The following PRKCH variants were observed in gnomAD, a reference collection of about 807,000 sequenced individuals.
PRKCH encodes the protein protein kinase C eta.
Under a neutral mutation model 82.5 loss-of-function variants are expected in PRKCH, and 28 were observed. The ratio of observed to expected loss-of-function variants is 0.34; its 90% CI spans 0.25 to 0.47. The LOEUF (loss-of-function observed/expected upper bound fraction) is 0.47. PRKCH is among the 20% of genes least tolerant of loss of function. The pLI, the probability that PRKCH is intolerant of heterozygous loss-of-function variation, is 1.00. For missense variants in PRKCH, 705 were observed against 881.8 expected (o/e 0.80, Z 2.54); for synonymous variants, 322 against 327.4 (o/e 0.98, Z 0.18).
intron 2 of PRKCH, among the ~76,000 whole-genome samples, chr14:61,440,173 C>G (rs1883887799): frequency 6.6e-6 from 1 of 152,156 alleles, no homozygotes; most frequent in South Asian, 2.1e-4. Context: ...CATCTGCAAG[C>G]AAAGGAATGT....
intron 2 of PRKCH, among the ~76,000 whole-genome samples, chr14:61,419,611 C>G (rs992383045): frequency 2.0e-5 from 3 of 152,206 alleles, no homozygotes; most frequent in Non-Finnish European, 2.9e-5. Context: ...TAAGCTCCTC[C>G]TTTAGAACTC....
intron 1 of PRKCH, among the ~76,000 whole-genome samples, chr14:61,241,789 T>G (rs957630990): frequency 1.4e-4 from 22 of 152,208 alleles, no homozygotes; most frequent in African/African-American, 5.3e-4. Context: ...GAACCGCATC[T>G]CCTCATGTAT....
At chr14:61,454,539 C>T (rs1311544144) in intron 7 of PRKCH, among the ~76,000 whole-genome samples, 1 of 152,228 alleles carries the variant, frequency 6.6e-6, no homozygotes, top group Non-Finnish European at 1.5e-5. Context: ...GCGTCCTCAC[C>T]TCTAAAGCGG....
intron 1 of PRKCH, among the ~76,000 whole-genome samples, chr14:61,255,178 G>T (rs2044986983): frequency 6.6e-6 from 1 of 152,210 alleles, no homozygotes; most frequent in Non-Finnish European, 1.5e-5. Context: ...CCTCTTAGCA[G>T]GATTGAGGGA....
At chr14:61,376,108 A>C (rs893094427) in intron 1 of PRKCH, among the ~76,000 whole-genome samples, 11 of 151,982 alleles carry the variant, frequency 7.2e-5, no homozygotes, top group Non-Finnish European at 1.3e-4. Context: ...GGATTTTAAT[A>C]ATCCAAACCT....
At chr14:61,466,598 A>C (rs1027987689) in intron 9 of PRKCH, among the ~76,000 whole-genome samples, 2 of 152,220 alleles carry the variant, frequency 1.3e-5, no homozygotes, top group Admixed American at 1.3e-4. Context: ...TTATGGAAGC[A>C]AAGGTTTCCA....
At position 61,321,802 on chromosome 14, in the gene PRKCH, C is replaced by A. The variant is rs1214380783; in HGVS notation, c.-300C>A. ...GAGCTGCCCGGCCCTGGAGAAGGGG[C>A]GAGTCCTGCGCGAGTCCCCGGGAGG... On this transcript the variant is annotated 5_prime_UTR_variant, in exon 1 of 14. Coordinates refer to ENST00000332981, the MANE Select transcript of PRKCH (RefSeq NM_006255.5). The surrounding 1 kb of genome is among the most constrained non-coding windows in gnomAD (Gnocchi z 4.1). 1 of 293,234 alleles carries A rather than the reference C, an allele frequency of 3.4e-6. No homozygotes were observed. The highest frequency in any genetic ancestry group is 6.5e-6 in the Non-Finnish European group (1 of 154,018). 18.2% of individuals were successfully genotyped at this position (293,234 alleles called of 1,614,324 possible). A position where few individuals can be genotyped will look rare whatever the true frequency, so the allele number is the denominator to read the frequency against.
chr14:61,402,372 G>T (rs1010733518), intron 2 of PRKCH, among the ~76,000 whole-genome samples: 1 of 152,174 alleles, frequency 6.6e-6, no homozygotes, highest in Non-Finnish European at 1.5e-5. Flanking sequence ...TATTAAAGAA[G>T]AATATCTGCA....
At chr14:61,206,880 A>T (rs780843696) in intron 1 of PRKCH, among the ~76,000 whole-genome samples, 7 of 151,888 alleles carry the variant, frequency 4.6e-5, no homozygotes, top group Non-Finnish European at 8.8e-5. Context: ...GCCAAGGCAG[A>T]TGGATCACCT....
chr14:61,473,910 C>T (rs910802427), intron 9 of PRKCH, among the ~76,000 whole-genome samples: 1 of 151,940 alleles, frequency 6.6e-6, no homozygotes, highest in African/African-American at 2.4e-5. Flanking sequence ...GGGAGAATCG[C>T]TTGCACCCGG....
intron 1 of PRKCH, among the ~76,000 whole-genome samples, chr14:61,293,765 A>G (rs2045383356): frequency 6.6e-6 from 1 of 152,200 alleles, no homozygotes. Context: ...CTCTGCTTGC[A>G]AACTGAAAAG....
intron 1 of PRKCH, among the ~76,000 whole-genome samples, chr14:61,207,106 CAAAAAAAAAAAAA>C (rs71114196): frequency 6.1e-5 from 3 of 49,158 alleles, no homozygotes; most frequent in African/African-American, 1.8e-4. Context: ...AACTCCATCT[CAAAAAAAAAAAAA>C]AAAAAAAAAA....
chr14:61,481,990 C>CTTTTTTTTTTTT (rs35134897), intron 9 of PRKCH, among the ~76,000 whole-genome samples: 2 of 101,076 alleles, frequency 2.0e-5, no homozygotes, highest in East Asian at 3.7e-4. Context: ...TTTCCTTTTC[C>CTTTTTTTTTTTT]TTTTTTTTTT....
At chr14:61,419,936 C>T (rs556321731) in intron 2 of PRKCH, among the ~76,000 whole-genome samples, 1 of 152,290 alleles carries the variant, frequency 6.6e-6, no homozygotes, top group Non-Finnish European at 1.5e-5. Flanking sequence ...CCTGTTTTGC[C>T]AGAGATGCCA....
chr14:61,210,198 C>G (rs2044563676), intron 1 of PRKCH, among the ~76,000 whole-genome samples: 1 of 143,502 alleles, frequency 7.0e-6, no homozygotes, highest in South Asian at 2.3e-4. Context: ...CCTGTAATCC[C>G]AGCTTTTCAG....
At position 61,280,473 on chromosome 14, in the gene PRKCH, G is replaced by C; in HGVS notation, c.-19+92805G>C. ...AGACTGGCCGGCGCCAGTTGGGCGGGGGCGCCGTGCCCTGGAAGGCCAACG... is the reference window on the plus strand; with the variant it reads ...AGACTGGCCGGCGCCAGTTGGGCGGCGGCGCCGTGCCCTGGAAGGCCAACG... On this transcript the variant is annotated intron_variant, in intron 1 of 3. Transcript: ENST00000555185. The surrounding 1 kb of genome is among the most constrained non-coding windows in gnomAD (Gnocchi z 5.0). 3 of 1,613,340 alleles carry C rather than the reference G, an allele frequency of 1.9e-6. No homozygotes were observed. The highest frequency in any genetic ancestry group is 2.5e-6 in the Non-Finnish European group (3 of 1,179,708).
chr14:61,274,299 A>G (rs2045184047), intron 1 of PRKCH, among the ~76,000 whole-genome samples: 1 of 152,192 alleles, frequency 6.6e-6, no homozygotes, highest in Admixed American at 6.5e-5. Context: ...GTTGGAGGAA[A>G]AGTGGATGAA....
At position 61,322,014 on chromosome 14, in the gene PRKCH, C is replaced by T. The variant is rs2045631044; in HGVS notation, c.-88C>T. 4 of 1,399,882 alleles carry T rather than the reference C, an allele frequency of 2.9e-6. No individual in the cohort carries two copies. The highest frequency in any genetic ancestry group is 3.8e-6 in the Non-Finnish European group (4 of 1,051,588). 86.7% of individuals were successfully genotyped at this position (1,399,882 alleles called of 1,614,324 possible). Reference sequence around the variant, plus strand: ...CCCAGGGCTGCCTCGACTCCTGCACCTGTCCCGAGGGCTGGCCTGAGACGG... The same window carrying T: ...CCCAGGGCTGCCTCGACTCCTGCACTTGTCCCGAGGGCTGGCCTGAGACGG... On this transcript the variant is annotated 5_prime_UTR_variant, in exon 1 of 14. Transcript: ENST00000332981.
intron 7 of PRKCH, among the ~76,000 whole-genome samples, chr14:61,455,172 G>A (rs1884701464): frequency 6.6e-6 from 1 of 150,708 alleles, no homozygotes; most frequent in South Asian, 2.1e-4. Flanking sequence ...TGGGACTATA[G>A]GCACCCGCCA....
Sources: gnomAD v4.1 joint callset for allele counts (sites outside exome capture counted in the v4.1 genomes callset) on GRCh38, gnomAD v4.1.1 for gene constraint, Gnocchi (gnomAD v3.1) non-coding constraint, MANE v1.5 for transcripts, NCBI Gene and HGNC (gene_info 2026-07-23, HGNC 2026-07-21) for gene names.